Variants in ATP4A observed in about 807,000 individuals in gnomAD.
ATP4A encodes the protein potassium-transporting ATPase alpha chain 1.
In ATP4A, 73 loss-of-function variants were observed where a neutral mutation model predicts 112.1. The ratio of observed to expected loss-of-function variants is 0.65; its 90% CI spans 0.54 to 0.79. The LOEUF is 0.79. Among genes scored for constraint, ATP4A ranks in the 30% least tolerant of loss-of-function variants. ATP4A has a pLI of 0.00. For missense variants in ATP4A, 1,081 were observed against 1,425.9 expected (o/e 0.76, Z 3.90); for synonymous variants, 588 against 588.9 (o/e 1.00, Z 0.02).
In ATP4A at chr19:35,555,670, G is replaced by A. The variant is rs370554663; in HGVS notation, c.2006+6C>T. The A allele has an allele frequency of 2.5e-6, 4 of 1,597,242 alleles. No homozygotes were observed. The highest frequency in any genetic ancestry group is 1.1e-5 in the South Asian group (1 of 90,488). On this transcript the variant is annotated splice_donor_region_variant and intron_variant, in intron 13 of 21. Transcript: ENST00000262623. The surrounding 1 kb of genome is among the most constrained non-coding windows in gnomAD (Gnocchi z 6.6). ...GAGAACCCCGGGGAGGTCTGGGGGGGCTTACTTGCGATTAACCTGGTCTAC... is the reference window on the plus strand; with the variant it reads ...GAGAACCCCGGGGAGGTCTGGGGGGACTTACTTGCGATTAACCTGGTCTAC...
rs372767716 is a variant in ATP4A, at chr19:35,559,847, G to A, written c.1014C>T (p.Ile338=). 2.7e-5 allele frequency: 44 copies of A among 1,614,034 alleles called. No homozygotes were observed. The highest frequency in any genetic ancestry group is 3.3e-5 in the Non-Finnish European group (39 of 1,180,028). ...FLRAMVFFMA[I]VVAYVPEGLL... ...GCCCCTCAGGCACATAGGCCACCAC[G>A]ATGGCCATGAAGAAGACCATGGCCC... Residue 338 remains isoleucine, a synonymous_variant, in exon 7 of 22, where the codon ATC becomes ATT. Transcript: ENST00000262623. The surrounding 1 kb of genome is among the most constrained non-coding windows in gnomAD (Gnocchi z 4.1).
At chr19:35,563,184 T>C in intron 3 of ATP4A, 25 bp downstream of exon 3, 2 of 1,610,852 alleles carry the variant, frequency 1.2e-6, no homozygotes, top group East Asian at 2.2e-5. Flanking sequence ...CTCCCCTTTC[T>C]GTACGCTCCC....
At position 35,550,728 on chromosome 19, in the gene ATP4A, T is replaced by A; in HGVS notation, c.3080-85A>T. 6.2e-7 allele frequency: 1 copy of A among 1,609,024 alleles called. No homozygotes were observed. Among genetic ancestry groups the A allele is most frequent in the Non-Finnish European group, 8.5e-7 (1 of 1,175,678 alleles). On this transcript the variant is annotated intron_variant, in intron 21 of 21. Coordinates refer to ENST00000262623, the MANE Select transcript of ATP4A (RefSeq NM_000704.3). The surrounding 1 kb of genome is among the most constrained non-coding windows in gnomAD (Gnocchi z 4.1). ...GGGCTCAGAGGTCAGTGCTGGTTGC[T>A]ATGGAGGGTCAAGGGCTTAGAGGCC... is the stretch of plus-strand genomic sequence containing the variant.
At chr19:35,563,291 G>T in intron 2 of ATP4A, 23 bp from the exon 3 acceptor site, 1 of 1,613,570 alleles carries the variant, frequency 6.2e-7, no homozygotes, top group Non-Finnish European at 8.5e-7. Flanking sequence ...GTGGGGCAGG[G>T]TGCTTGCTCT....
Position 35,551,586 on chromosome 19 carries a change from G to A in ATP4A, c.2752-6C>T. 1 of 1,611,058 alleles carries A rather than the reference G, an allele frequency of 6.2e-7. No homozygotes were observed. Among genetic ancestry groups the A allele is most frequent in the Non-Finnish European group, 8.5e-7 (1 of 1,178,616 alleles). ...TACAGGCGCTGCCCGAATGTCTGCA[G>A]GCCAGGGGCAAACGGAAACAGCCTG... On this transcript the variant is annotated splice_region_variant and splice_polypyrimidine_tract_variant and intron_variant, in intron 18 of 21. Coordinates refer to ENST00000262623, the MANE Select transcript of ATP4A (RefSeq NM_000704.3). This position sits in a 1 kb window ranked among gnomAD's most constrained non-coding sequence, Gnocchi z 5.2.
chr19:35,561,053 A>G, intron 4 of ATP4A, 121 bp from the exon 5 acceptor site: 1 of 763,882 alleles, frequency 1.3e-6, no homozygotes, highest in Non-Finnish European at 2.2e-6. Flanking sequence ...CCCACCTACT[A>G]GGAAGCTCCA....
Position 35,557,695 on chromosome 19 carries a change from G to T in ATP4A, c.1653C>A (p.Thr551=), listed in dbSNP as rs369168553. The part of the protein sequence containing the change: ...LDEQWREAFQ[T]AYLSLGGLGE... ...CCAGGCCTCCCAGGCTGAGGTAGGC[G>T]GTCTGGAAGGCCTCGCGCCACTGCT... The change falls in exon 11 of 22, where the codon ACC becomes ACA. Residue 551 remains threonine (T), a synonymous_variant. Transcript: ENST00000262623. This position sits in a 1 kb window ranked among gnomAD's most constrained non-coding sequence, Gnocchi z 4.4. The T allele has an allele frequency of 9.9e-6, 16 of 1,609,128 alleles. No homozygotes were observed. Among genetic ancestry groups the T allele is most frequent in the East Asian group, 4.5e-5 (2 of 44,774 alleles).
intron 4 of ATP4A, 80 bp downstream of exon 4, chr19:35,562,355 C>G: frequency 6.6e-7 from 1 of 1,506,248 alleles, no homozygotes. Context: ...TTCTCTGCCC[C>G]TCTTGTCCCA....
In ATP4A at chr19:35,554,918, T is replaced by C; in HGVS notation, c.2481+4A>G. ...TGGATGGGTACCCTGGGCTGTGGAC[T>C]TACAATGTCAGTGCAGAGTTCGATG... On this transcript the variant is annotated splice_donor_region_variant and intron_variant, in intron 16 of 21. Transcript: ENST00000262623. 1 of 1,614,056 alleles carries C rather than the reference T, an allele frequency of 6.2e-7. No individual in the cohort carries two copies. The highest frequency in any genetic ancestry group is 8.5e-7 in the Non-Finnish European group (1 of 1,180,010).
rs754311608 is a variant in ATP4A, at chr19:35,558,426, A to G, written c.1436T>C (p.Met479Thr). 11 of 1,608,876 alleles carry G rather than the reference A, an allele frequency of 6.8e-6. 1 individual carries two copies. In the Admixed American group the frequency reaches 1.2e-4, roughly 17 times the overall value. The change falls in exon 10 of 22, where the codon ATG becomes ACG. Residue 479 changes from methionine (M) to threonine (T), a missense_variant. By Grantham distance (81) the Met-to-Thr change is moderately conservative. Coordinates refer to ENST00000262623, the MANE Select transcript of ATP4A (RefSeq NM_000704.3). This position sits in a 1 kb window ranked among gnomAD's most constrained non-coding sequence, Gnocchi z 5.1. ...KFSELTLGNAMGYRDRFPKVC... is the reference protein window; with the variant it reads ...KFSELTLGNATGYRDRFPKVC... The stretch of plus-strand genomic sequence containing the variant: ...TTTTGGGAAGCGGTCCCGGTAGCCC[A>G]TGGCGTTGCCCAGCGTCAGCTCCGA...
At chr19:35,562,276 AT>A (rs2071675302) in intron 4 of ATP4A, among the ~76,000 whole-genome samples, 158 bp downstream of exon 4, 1 of 151,834 alleles carries the variant, frequency 6.6e-6, no homozygotes, top group Non-Finnish European at 1.5e-5. Flanking sequence ...CCCCATCCAT[AT>A]CCCAATGTCC....
chr19:35,560,844 G>T lies in ATP4A; in HGVS notation c.509C>A (p.Ala170Asp), dbSNP rs1373618892. 3.7e-6 allele frequency: 6 copies of T among 1,614,044 alleles called. No individual in the cohort carries two copies. The highest frequency in any genetic ancestry group is 5.1e-6 in the Non-Finnish European group (6 of 1,179,966). The change falls in exon 5 of 22, where the codon GCC becomes GAC. Residue 170 changes from alanine (A) to aspartate (D), a missense_variant. Physicochemically the swap from Ala to Asp is moderately radical, Grantham distance 126. Around this residue, in one of 3 missense-constraint regions of ATP4A, gnomAD observed 850 missense variants for 1,068.2 expected, o/e 0.80. Coordinates refer to ENST00000262623, the MANE Select transcript of ATP4A (RefSeq NM_000704.3). The surrounding 1 kb of genome is among the most constrained non-coding windows in gnomAD (Gnocchi z 5.1). The part of the protein sequence containing the change: ...YQEFKSTNII[A>D]SFKNLVPQQA... ...CTGTGGCACAAGGTTCTTAAAGCTGGCGATGATGTTGGTGCTCTTGAATTC... is the reference window on the plus strand; with the variant it reads ...CTGTGGCACAAGGTTCTTAAAGCTGTCGATGATGTTGGTGCTCTTGAATTC...
At position 35,555,895 on chromosome 19, in the gene ATP4A, C is replaced by T. The variant is rs1020876573; in HGVS notation, c.1870-83G>A. The T allele has an allele frequency of 3.7e-5, 56 of 1,515,120 alleles. No individual in the cohort carries two copies. The East Asian group carries it at 6.0e-4, about 16-fold the overall frequency. The allele number at this position is 1,515,120 out of a possible 1,614,324, so 93.9% of individuals were successfully genotyped here. On this transcript the variant is annotated intron_variant, in intron 12 of 21. Coordinates refer to ENST00000262623, the MANE Select transcript of ATP4A (RefSeq NM_000704.3). The surrounding 1 kb of genome is among the most constrained non-coding windows in gnomAD (Gnocchi z 6.6). ...TCCCTGGGAGACATCTGCTGATACA[C>T]GTGTTCATTTACTTGACCAAGCGTG...
chr19:35,550,535 G>T lies in ATP4A; in HGVS notation c.*80C>A. On this transcript the variant is annotated 3_prime_UTR_variant, in exon 22 of 22. Transcript: ENST00000262623. The surrounding 1 kb of genome is among the most constrained non-coding windows in gnomAD (Gnocchi z 4.1). The stretch of plus-strand genomic sequence containing the variant: ...GGACTCTTGGTTGCTCAGATATCTT[G>T]GTGGCTGTCCAGAGGGTCCCACGAG... 1 of 1,562,268 alleles carries T rather than the reference G, an allele frequency of 6.4e-7. No individual in the cohort carries two copies. Among genetic ancestry groups the T allele is most frequent in the Non-Finnish European group, 8.8e-7 (1 of 1,135,734 alleles).
intron 12 of ATP4A, among the ~76,000 whole-genome samples, 196 bp from the exon 13 acceptor site, chr19:35,556,008 TAAAG>T (rs1341818390): frequency 1.3e-5 from 2 of 151,504 alleles, no homozygotes; most frequent in Non-Finnish European, 2.9e-5. Flanking sequence ...TGACAGAAAA[TAAAG>T]AAACGAATTA....
At position 35,560,210 on chromosome 19, in the gene ATP4A, A is replaced by G. The variant is rs2146311429; in HGVS notation, c.788-137T>C. 6.6e-7 allele frequency: 1 copy of G among 1,522,336 alleles called. No individual in the cohort carries two copies. Among genetic ancestry groups the G allele is most frequent in the Non-Finnish European group, 8.9e-7 (1 of 1,123,740 alleles). The allele number at this position is 1,522,336 out of a possible 1,614,324, so 94.3% of individuals were successfully genotyped here. On this transcript the variant is annotated intron_variant, in intron 6 of 21. Transcript: ENST00000262623. The surrounding 1 kb of genome is among the most constrained non-coding windows in gnomAD (Gnocchi z 5.1). ...AGGGTAGTGACAGTGGGAGACAGAG[A>G]AGCAGTGTGCCCTGGGGAGGTGGCA...
In ATP4A at chr19:35,551,183, A is replaced by G; in HGVS notation, c.2886-72T>C. On this transcript the variant is annotated intron_variant, in intron 19 of 21. Transcript: ENST00000262623. This position sits in a 1 kb window ranked among gnomAD's most constrained non-coding sequence, Gnocchi z 5.2. The stretch of plus-strand genomic sequence containing the variant: ...ATGGAAATCAGGATACTGTGGGTCA[A>G]AGTAGGTCAGATGTCAGCAGCAGCA... 1 of 1,459,950 alleles carries G rather than the reference A, an allele frequency of 6.8e-7. No homozygotes were observed. Among genetic ancestry groups the G allele is most frequent in the Non-Finnish European group, 9.4e-7 (1 of 1,064,432 alleles). 90.4% of individuals were successfully genotyped at this position (1,459,950 alleles called of 1,614,324 possible).
chr19:35,550,506 G>A lies in ATP4A; in HGVS notation c.*109C>T. ...GGCTACAGAAGCAGATACTGGTGGGGCTGGGACTCTTGGTTGCTCAGATAT... is the reference window on the plus strand; with the variant it reads ...GGCTACAGAAGCAGATACTGGTGGGACTGGGACTCTTGGTTGCTCAGATAT... On this transcript the variant is annotated 3_prime_UTR_variant, in exon 22 of 22. Transcript: ENST00000262623. The surrounding 1 kb of genome is among the most constrained non-coding windows in gnomAD (Gnocchi z 4.1). 1 of 1,432,852 alleles carries A rather than the reference G, an allele frequency of 7.0e-7. No homozygotes were observed. Among genetic ancestry groups the A allele is most frequent in the Non-Finnish European group, 9.7e-7 (1 of 1,031,326 alleles). The allele number at this position is 1,432,852 out of a possible 1,614,324, so 88.8% of individuals were successfully genotyped here.
Position 35,558,332 on chromosome 19 carries a change from C to A in ATP4A, c.1500+30G>T. ...TGGGGCGGGGCCCGAGGTGGGCGGG[C>A]CCAGGCCGTGGGCGGGGCCGGCTGC... On this transcript the variant is annotated intron_variant, in intron 10 of 21. Coordinates refer to ENST00000262623, the MANE Select transcript of ATP4A (RefSeq NM_000704.3). This position sits in a 1 kb window ranked among gnomAD's most constrained non-coding sequence, Gnocchi z 5.1. The A allele has an allele frequency of 6.3e-7, 1 of 1,591,878 alleles. No individual in the cohort carries two copies. The highest frequency in any genetic ancestry group is 8.5e-7 in the Non-Finnish European group (1 of 1,169,832).
Sources: gnomAD v4.1 joint callset for allele counts (sites outside exome capture counted in the v4.1 genomes callset) on GRCh38, gnomAD v4.1.1 for gene constraint, gnomAD v4.1.1 regional missense constraint, Gnocchi (gnomAD v3.1) non-coding constraint, MANE v1.5 for transcripts, NCBI Gene and HGNC (gene_info 2026-07-23, HGNC 2026-07-21) for gene names.